The following NDUFAF6 variants were observed in gnomAD, a reference collection of about 807,000 sequenced individuals.
NDUFAF6 encodes the protein NADH dehydrogenase (ubiquinone) complex I, assembly factor 6.
In NDUFAF6, 45 loss-of-function variants were observed where a neutral mutation model predicts 40.8. The observed-to-expected ratio is 1.10, with a 90% CI of 0.87 to 1.42. The LOEUF (loss-of-function observed/expected upper bound fraction) is 1.42, where lower values mean the gene tolerates loss of function less well. Ranked by LOEUF, NDUFAF6 falls within the 40% of genes most tolerant of loss-of-function variation. The probability of loss-of-function intolerance (pLI) is 0.00; values close to 1 mark genes in which losing one functional copy is unlikely to be tolerated. For missense variants in NDUFAF6, 435 were observed against 418.5 expected (o/e 1.04, Z -0.34); for synonymous variants, 185 against 155.9 (o/e 1.19, Z -1.39).
chr8:95,015,225 A>G (rs1391994641), intron 2 of NDUFAF6, among the ~76,000 whole-genome samples: 1 of 152,180 alleles, frequency 6.6e-6, no homozygotes, highest in Non-Finnish European at 1.5e-5. Flanking sequence ...ACAACCTGAG[A>G]GGCCATACAG....
At chr8:94,904,531 A>G (rs910854909) in intron 1 of NDUFAF6, among the ~76,000 whole-genome samples, 1 of 151,478 alleles carries the variant, frequency 6.6e-6, no homozygotes, top group African/African-American at 2.4e-5. Context: ...CAGAGACTCT[A>G]ACTTTATGCA....
intron 1 of NDUFAF6, among the ~76,000 whole-genome samples, chr8:94,915,243 C>T (rs1161641998): frequency 6.6e-6 from 1 of 152,048 alleles, no homozygotes; most frequent in Non-Finnish European, 1.5e-5. Context: ...AAGTGACTGC[C>T]CCCAGCCAAT....
intron 2 of NDUFAF6, chr8:95,088,068 C>T (rs559648099): frequency 6.6e-6 from 1 of 152,468 alleles, no homozygotes; most frequent in East Asian, 1.9e-4. Flanking sequence ...GCCCTGGCAC[C>T]TTGGGCCACC....
chr8:95,112,306 G>A (rs146941170), intron 4 of NDUFAF6, among the ~76,000 whole-genome samples: 1,603 of 152,220 alleles, frequency 0.011, 15 homozygotes, highest in Admixed American at 0.017. Flanking sequence ...TGACATGAAA[G>A]GTCTCAAGAT....
At chr8:94,909,307 C>G (rs897520073) in intron 1 of NDUFAF6, among the ~76,000 whole-genome samples, 13 of 134,318 alleles carry the variant, frequency 9.7e-5, no homozygotes, top group Middle Eastern at 3.9e-3. Flanking sequence ...TGAGATTGCA[C>G]CACTGCACTC....
At chr8:95,016,005 C>T (rs1352825425) in intron 2 of NDUFAF6, among the ~76,000 whole-genome samples, 2 of 152,192 alleles carry the variant, frequency 1.3e-5, no homozygotes, top group African/African-American at 4.8e-5. Context: ...GCCAGGCCCA[C>T]TGTTATCCCG....
At chr8:95,115,071 A>T (rs1007445200) in intron 4 of NDUFAF6, among the ~76,000 whole-genome samples, 15 of 117,860 alleles carry the variant, frequency 1.3e-4, no homozygotes, top group Non-Finnish European at 2.5e-4. Flanking sequence ...AAAAAAAAAA[A>T]AAAAGTGTCT....
At chr8:94,931,701 G>A (rs547911882) in intron 1 of NDUFAF6, among the ~76,000 whole-genome samples, 191 of 152,190 alleles carry the variant, frequency 1.3e-3, no homozygotes, top group African/African-American at 4.3e-3. Flanking sequence ...TAGGCCAGGC[G>A]CTGTGGCTCG....
At chr8:95,080,822 C>G (rs1808835769), downstream of NDUFAF6, among the ~76,000 whole-genome samples, 2 of 152,066 alleles carry the variant, frequency 1.3e-5, no homozygotes, top group South Asian at 4.1e-4. Flanking sequence ...GACTTATTTT[C>G]TTTTCTTGGA....
At chr8:95,043,086 CTTTTT>C (rs113805309) in intron 4 of NDUFAF6, among the ~76,000 whole-genome samples, 4 of 132,590 alleles carry the variant, frequency 3.0e-5, no homozygotes, top group Non-Finnish European at 4.9e-5. Flanking sequence ...GCAGTGGTTT[CTTTTT>C]TTTTTTTTTT....
At chr8:95,025,266 GCGCCTCGCGTCTGGCCTGA>G (rs1452700355) in intron 1 of NDUFAF6, 61 bp downstream of exon 1, 1 of 1,338,104 alleles carries the variant, frequency 7.5e-7, no homozygotes, top group Non-Finnish European at 9.5e-7. Context: ...GGGAGCGGCT[GCGCCTCGCGTCTGGCCTGA>G]CGTTTGAGCG....
chr8:94,952,371 G>C (rs908069672), intron 2 of NDUFAF6, among the ~76,000 whole-genome samples: 10 of 152,196 alleles, frequency 6.6e-5, no homozygotes, highest in African/African-American at 2.2e-4. Context: ...AAGTTGTTCT[G>C]TCTGTACTGA....
chr8:95,078,662 A>AAAAATATAT (rs545018367), downstream of NDUFAF6: 1 of 121,052 alleles, frequency 8.3e-6, no homozygotes, highest in African/African-American at 3.3e-5. Flanking sequence ...AAAAAAAAAA[A>AAAAATATAT]ATATATATAT....
intron 4 of NDUFAF6, among the ~76,000 whole-genome samples, chr8:95,115,243 AC>A (rs1810107665): frequency 6.6e-6 from 1 of 152,180 alleles, no homozygotes; most frequent in Non-Finnish European, 1.5e-5. Context: ...ATTTGTCAGC[AC>A]CAAGAAGGCT....
At chr8:94,973,924 C>T (rs1327613995) in intron 1 of NDUFAF6, among the ~76,000 whole-genome samples, 1 of 151,486 alleles carries the variant, frequency 6.6e-6, no homozygotes, top group East Asian at 1.9e-4. Flanking sequence ...CCCTCCAGAA[C>T]TGTGAGAAAT....
At chr8:95,051,131 A>G (rs921788288) in intron 7 of NDUFAF6, among the ~76,000 whole-genome samples, 1 of 152,226 alleles carries the variant, frequency 6.6e-6, no homozygotes, top group African/African-American at 2.4e-5. Context: ...AGTCATCCAC[A>G]TAAAAGGCTT....
chr8:95,038,570 A>T (rs1313846187), intron 3 of NDUFAF6, among the ~76,000 whole-genome samples: 1 of 150,574 alleles, frequency 6.6e-6, no homozygotes, highest in Non-Finnish European at 1.5e-5. Flanking sequence ...CTGGTTTTGA[A>T]CTCCTGAGCT....
chr8:94,972,695 A>G (rs1824563585), intron 1 of NDUFAF6, among the ~76,000 whole-genome samples: 1 of 147,370 alleles, frequency 6.8e-6, no homozygotes, highest in African/African-American at 2.5e-5. Flanking sequence ...GTTTAGGACC[A>G]GCCTGGGCAA....
intron 2 of NDUFAF6, among the ~76,000 whole-genome samples, chr8:95,034,281 T>C (rs1013344940): frequency 2.6e-5 from 4 of 152,244 alleles, no homozygotes; most frequent in Admixed American, 2.6e-4. Context: ...AACTTGATTG[T>C]GTGTCTCATA....
Sources: gnomAD v4.1 joint callset for allele counts (sites outside exome capture counted in the v4.1 genomes callset) on GRCh38, gnomAD v4.1.1 for gene constraint, MANE v1.5 for transcripts, NCBI Gene and HGNC (gene_info 2026-07-23, HGNC 2026-07-21) for gene names.